The following FRMPD4 variants were observed in gnomAD, a reference collection of about 807,000 sequenced individuals.
FRMPD4 encodes FERM and PDZ domain containing 4.
Under a neutral mutation model 94.1 loss-of-function variants are expected in FRMPD4, and 22 were observed. The observed-to-expected ratio is 0.23, with a 90% CI of 0.17 to 0.33. The LOEUF (loss-of-function observed/expected upper bound fraction) is 0.33, where lower values mean the gene tolerates loss of function less well. Among genes scored for constraint, FRMPD4 ranks in the 10% least tolerant of loss-of-function variants. The pLI is 1.00. For synonymous variants in FRMPD4, 631 were observed against 548.6 expected, an observed-to-expected ratio of 1.15 and a Z score of -2.10; for missense variants, 1,111 against 1,339.9, an observed-to-expected ratio of 0.83 and a Z score of 2.67.
At chrX:12,338,969 A>G (rs1010022869) in intron 1 of FRMPD4, among the ~76,000 whole-genome samples, 1 of 112,152 alleles carries the variant, frequency 8.9e-6, no homozygotes, top group Non-Finnish European at 1.9e-5. Context: ...AGAACAGAGC[A>G]TGTAGAAAGG....
intron 3 of FRMPD4, among the ~76,000 whole-genome samples, chrX:11,923,844 A>G (rs2054071038): frequency 8.9e-6 from 1 of 112,652 alleles, no homozygotes; most frequent in Non-Finnish European, 1.9e-5. Context: ...CAGCACAAGA[A>G]TGCTGAAAAC....
chrX:12,139,569 ATTC>A (rs1296723158), intron 1 of FRMPD4, among the ~76,000 whole-genome samples: 2 of 107,303 alleles, frequency 1.9e-5, no homozygotes, highest in African/African-American at 3.4e-5. Context: ...GGGTAACTAT[ATTC>A]TTAAGCCTCG....
chrX:11,933,603 GTC>G (rs2147353887), intron 3 of FRMPD4, among the ~76,000 whole-genome samples: 2 of 112,669 alleles, frequency 1.8e-5, no homozygotes, highest in South Asian at 7.3e-4. Context: ...AATCAAAAAT[GTC>G]ATTGTTTCTC....
At chrX:11,904,916 C>A (rs147084154) in intron 3 of FRMPD4, among the ~76,000 whole-genome samples, 1,137 of 112,396 alleles carry the variant, frequency 0.01, 10 homozygotes, top group African/African-American at 0.034. Flanking sequence ...AAATTACTTT[C>A]TGTGGCAGAC....
At chrX:12,014,543 G>A (rs192307088) in intron 3 of FRMPD4, among the ~76,000 whole-genome samples, 9 of 111,671 alleles carry the variant, frequency 8.1e-5, no homozygotes, top group East Asian at 5.6e-4. Flanking sequence ...CTTGGTGCCC[G>A]TTTTACAGAG....
intron 1 of FRMPD4, among the ~76,000 whole-genome samples, chrX:11,858,912 C>T (rs2053668890): frequency 8.9e-6 from 1 of 112,032 alleles, no homozygotes; most frequent in Admixed American, 9.5e-5. Context: ...TCTTCCTCTT[C>T]TCCTGACTAA....
chrX:12,673,031 C>T (rs1490453036), intron 4 of FRMPD4, among the ~76,000 whole-genome samples: 1 of 111,559 alleles, frequency 9.0e-6, no homozygotes, highest in African/African-American at 3.3e-5. Context: ...TGTGACTTGG[C>T]TCCCAACTCT....
chrX:12,447,542 C>T (rs2057212789), intron 1 of FRMPD4, among the ~76,000 whole-genome samples: 1 of 111,989 alleles, frequency 8.9e-6, no homozygotes, highest in African/African-American at 3.3e-5. Context: ...AAGTAGCATG[C>T]CTGGAACAAG....
intron 1 of FRMPD4, among the ~76,000 whole-genome samples, chrX:12,194,332 T>C (rs1031922364): frequency 9.0e-6 from 1 of 110,590 alleles, no homozygotes. Flanking sequence ...GGATTCCTGA[T>C]TAGGGGGCTT....
At chrX:12,389,712 A>G (rs1192365481) in intron 1 of FRMPD4, among the ~76,000 whole-genome samples, 1 of 111,922 alleles carries the variant, frequency 8.9e-6, no homozygotes, top group Non-Finnish European at 1.9e-5. Flanking sequence ...TTACTTTTCA[A>G]ACAAGAAAGG....
In FRMPD4 at chrX:12,390,125, G is replaced by T. The variant is rs112452395; in HGVS notation, c.42-108555G>T. 7.1e-3 allele frequency among the ~76,000 whole-genome samples: 800 copies of T among 112,103 alleles called. 7 individuals are homozygous for T. Among genetic ancestry groups the T allele is most frequent in the African/African-American group, 0.025 (759 of 30,834 alleles). The stretch of plus-strand genomic sequence containing the variant: ...TACCAGGCTGCAATGTTGAACTTCA[G>T]ATTTGTGATGGAGGAATAAAGTCAT... On this transcript the variant is annotated intron_variant, in intron 1 of 16. Coordinates refer to ENST00000675598, the MANE Select transcript of FRMPD4 (RefSeq NM_001368397.1).
Position 12,528,323 on chromosome X carries a change from T to G in FRMPD4, c.158+29527T>G, listed in dbSNP as rs1463236353. On this transcript the variant is annotated intron_variant, in intron 2 of 16. Transcript: ENST00000675598. ...AGTCTGTTTTTTTTTGTTTTTGTTTTTTTTTTTTTTTTTTGGAGACAGAGT... is the reference window on the plus strand; with the variant it reads ...AGTCTGTTTTTTTTTGTTTTTGTTTGTTTTTTTTTTTTTTGGAGACAGAGT... 1.4e-4 allele frequency among the ~76,000 whole-genome samples: 14 copies of G among 98,623 alleles called. No individual in the cohort carries two copies. In the East Asian group the frequency reaches 3.1e-3, roughly 22 times the overall value. 85.6% of individuals were successfully genotyped at this position (98,623 alleles called of 115,157 possible).
intron 1 of FRMPD4, among the ~76,000 whole-genome samples, chrX:12,218,527 A>G (rs1181941037): frequency 1.8e-5 from 2 of 112,290 alleles, no homozygotes; most frequent in African/African-American, 3.2e-5. Context: ...ATCATCCATA[A>G]TCAAAATTTA....
At chrX:11,868,807 C>T (rs2053738487) in intron 2 of FRMPD4, among the ~76,000 whole-genome samples, 1 of 112,698 alleles carries the variant, frequency 8.9e-6, no homozygotes, top group Non-Finnish European at 1.9e-5. Flanking sequence ...CAGGCCACCA[C>T]CACTTTTCAT....
chrX:12,535,142 G>C (rs2058325161), intron 2 of FRMPD4, among the ~76,000 whole-genome samples: 1 of 111,505 alleles, frequency 9.0e-6, no homozygotes, highest in Non-Finnish European at 1.9e-5. Context: ...GCAAAAAGGG[G>C]AGTTTCCCAG....
intron 2 of FRMPD4, among the ~76,000 whole-genome samples, chrX:11,874,890 G>A (rs1601816880): frequency 9.0e-6 from 1 of 111,693 alleles, no homozygotes; most frequent in East Asian, 2.8e-4. Flanking sequence ...AATGTTTGGA[G>A]GTGAAAATTC....
At chrX:12,500,370 C>G (rs1466431409) in intron 2 of FRMPD4, among the ~76,000 whole-genome samples, 1 of 111,547 alleles carries the variant, frequency 9.0e-6, no homozygotes, top group Non-Finnish European at 1.9e-5. Context: ...TACCAACCCC[C>G]GCGCACCACC....
At chrX:11,995,681 A>G (rs1412757269) in intron 3 of FRMPD4, among the ~76,000 whole-genome samples, 5 of 112,069 alleles carry the variant, frequency 4.5e-5, no homozygotes, top group Non-Finnish European at 9.4e-5. Flanking sequence ...GTCTGTCACC[A>G]TAATTGCTAA....
chrX:12,102,675 A>T (rs1037485105), intron 3 of FRMPD4, among the ~76,000 whole-genome samples: 4 of 111,472 alleles, frequency 3.6e-5, no homozygotes, highest in Non-Finnish European at 7.5e-5. Context: ...AGTTATCTAA[A>T]ACAAGAATTG....
Sources: gnomAD v4.1 joint callset for allele counts (sites outside exome capture counted in the v4.1 genomes callset) on GRCh38, gnomAD v4.1.1 for gene constraint, MANE v1.5 for transcripts, NCBI Gene and HGNC (gene_info 2026-07-23, HGNC 2026-07-21) for gene names.